ZFHX2: variants seen among roughly 807,000 people sequenced by gnomAD.
The protein encoded by ZFHX2 is zinc finger homeobox 2.
In ZFHX2, 75 loss-of-function variants were observed where a neutral mutation model predicts 164.8. The ratio of observed to expected loss-of-function variants is 0.46; its 90% CI spans 0.38 to 0.55. The LOEUF (loss-of-function observed/expected upper bound fraction) is 0.55. Ranked by LOEUF, ZFHX2 falls within the 20% of genes least tolerant of loss-of-function variation. ZFHX2 has a pLI of 0.00. For missense variants in ZFHX2, 2,933 were observed against 3,308.0 expected (o/e 0.89, Z 2.78); for synonymous variants, 1,217 against 1,351.4 (o/e 0.90, Z 2.18).
intron 7 of ZFHX2, 110 bp downstream of exon 7, chr14:23,527,494 G>GC: frequency 7.3e-7 from 1 of 1,370,916 alleles, no homozygotes; most frequent in Non-Finnish European, 9.9e-7. Context: ...TTGCCTGAAT[G>GC]CCCCCTGCCC....
rs1176104552 is a variant in ZFHX2, at chr14:23,521,593, G to C, written c.*369C>G. ...GCATGTATGTGTATGCATTTATGGG[G>C]ATGGGGAGCTGGGAATTCAGTGAGG... On this transcript the variant is annotated 3_prime_UTR_variant, in exon 10 of 10. Coordinates refer to ENST00000419474, the MANE Select transcript of ZFHX2 (RefSeq NM_033400.3). 4 of 216,856 alleles carry C rather than the reference G, an allele frequency of 1.8e-5. 1 individual carries two copies. The South Asian group carries it at 3.0e-4, about 16-fold the overall frequency. 13.4% of individuals were successfully genotyped at this position (216,856 alleles called of 1,614,324 possible). A position where few individuals can be genotyped will look rare whatever the true frequency, so the allele number is the denominator to read the frequency against.
Position 23,524,425 on chromosome 14 carries a change from C to G in ZFHX2, c.5517G>C (p.Leu1839Phe), listed in dbSNP as rs2138670156. ...PLKRKHEDGS[L>F]SPTGSEAGGG... The stretch of plus-strand genomic sequence containing the variant: ...CCCCTGCTTCACTGCCTGTGGGAGA[C>G]AAGCTGCCGTCCTCATGCTTCCGTT... The change falls in exon 9 of 10, where the codon TTG (leucine) becomes TTC (phenylalanine). Residue 1839 changes from leucine (L) to phenylalanine (F), a missense_variant. Physicochemically the swap from Leu to Phe is conservative, Grantham distance 22. Transcript: ENST00000419474. This position sits in a 1 kb window ranked among gnomAD's most constrained non-coding sequence, Gnocchi z 5.6. 1 of 1,536,194 alleles carries G rather than the reference C, an allele frequency of 6.5e-7. No homozygotes were observed. Among genetic ancestry groups the G allele is most frequent in the South Asian group, 1.2e-5 (1 of 84,060 alleles).
chr14:23,536,758 C>T (rs1880188991), intron 1 of ZFHX2, among the ~76,000 whole-genome samples: 1 of 152,120 alleles, frequency 6.6e-6, no homozygotes, highest in South Asian at 2.1e-4. Context: ...CTGAGTAAAC[C>T]CCAAAGTTGT....
chr14:23,533,151 A>T lies in ZFHX2; in HGVS notation c.2042-67T>A. 6.9e-7 allele frequency: 1 copy of T among 1,459,482 alleles called. No homozygotes were observed. Among genetic ancestry groups the T allele is most frequent in the Non-Finnish European group, 9.0e-7 (1 of 1,108,546 alleles). The allele number at this position is 1,459,482 out of a possible 1,614,324, so 90.4% of individuals were successfully genotyped here. ...GGCACGGTTGGTTCTCTATGTGGGG[A>T]GGTGGGTTAATGAGTAGGATAGTGC... On this transcript the variant is annotated intron_variant, in intron 2 of 9. Transcript: ENST00000419474. The surrounding 1 kb of genome is among the most constrained non-coding windows in gnomAD (Gnocchi z 4.8).
Position 23,524,910 on chromosome 14 carries a change from T to G in ZFHX2, c.5032A>C (p.Thr1678Pro). ...GASGCRRCHATFSCVFELVRH... is the reference protein window; with the variant it reads ...GASGCRRCHAPFSCVFELVRH... Reference sequence around the variant, plus strand: ...ACCAACTCAAAAACACAGGAGAAAGTGGCGTGGCAACGCCTGCAGCCGGAG... The same window carrying G: ...ACCAACTCAAAAACACAGGAGAAAGGGGCGTGGCAACGCCTGCAGCCGGAG... Residue 1678 changes from threonine (T) to proline (P), a missense_variant, in exon 9 of 10, where the codon ACT becomes CCT. Coordinates refer to ENST00000419474, the MANE Select transcript of ZFHX2 (RefSeq NM_033400.3). The surrounding 1 kb of genome is among the most constrained non-coding windows in gnomAD (Gnocchi z 5.6). 2.6e-6 allele frequency: 4 copies of G among 1,536,300 alleles called. No homozygotes were observed. Among genetic ancestry groups the G allele is most frequent in the Non-Finnish European group, 8.7e-7 (1 of 1,146,938 alleles).
chr14:23,525,191 C>G lies in ZFHX2; in HGVS notation c.4751G>C (p.Arg1584Thr), dbSNP rs896725215. ...HWPIEEEESS[R>T]GNLPPLVPAG... is the part of the protein sequence containing the mutation. ...AGGCACCAGGGGAGGAAGATTCCCT[C>G]TGGAGCTTTCTTCCTCTTCTATGGG... The change falls in exon 9 of 10, where the codon AGA becomes ACA. Residue 1584 changes from arginine (R) to threonine (T), a missense_variant. Transcript: ENST00000419474. The surrounding 1 kb of genome is among the most constrained non-coding windows in gnomAD (Gnocchi z 5.9). The G allele has an allele frequency of 3.3e-6, 5 of 1,536,018 alleles. No homozygotes were observed. The highest frequency in any genetic ancestry group is 3.5e-6 in the Non-Finnish European group (4 of 1,146,920).
At chr14:23,555,020 T>C (rs912312986), upstream of ZFHX2, among the ~76,000 whole-genome samples, 5 of 151,694 alleles carry the variant, frequency 3.3e-5, no homozygotes, top group Non-Finnish European at 5.9e-5. Context: ...TGGAGTCTCG[T>C]TCTGTCGCCC....
chr14:23,529,453 A>ATCT (rs1879242374), intron 6 of ZFHX2: 1 of 491,216 alleles, frequency 2.0e-6, no homozygotes, highest in East Asian at 3.7e-5. Flanking sequence ...TCTCAGCACA[A>ATCT]TTCCTTTATT....
At chr14:23,548,742 C>T (rs2138924137) in intron 1 of ZFHX2, among the ~76,000 whole-genome samples, 1 of 152,238 alleles carries the variant, frequency 6.6e-6, no homozygotes, top group Non-Finnish European at 1.5e-5. Flanking sequence ...CTGTCTCTTC[C>T]CTGGATATTT....
chr14:23,533,515 A>T lies in ZFHX2; in HGVS notation c.1811T>A (p.Leu604Gln), dbSNP rs1879823534. 6.5e-7 allele frequency: 1 copy of T among 1,535,990 alleles called. No individual in the cohort carries two copies. Among genetic ancestry groups the T allele is most frequent in the African/African-American group, 1.4e-5 (1 of 73,046 alleles). ...MQNVLMLHQG[L>Q]PLGLPPGLMG... The stretch of plus-strand genomic sequence containing the variant: ...CAATCCAGGTGGCAGGCCCAGCGGC[A>T]GCCCCTGGTGCAGCATTAGGACATT... The change falls in exon 2 of 10, where the codon CTG becomes CAG. Residue 604 changes from leucine (L) to glutamine (Q), a missense_variant. By Grantham distance (113) the Leu-to-Gln change is moderately radical. Coordinates refer to ENST00000419474, the MANE Select transcript of ZFHX2 (RefSeq NM_033400.3). This position sits in a 1 kb window ranked among gnomAD's most constrained non-coding sequence, Gnocchi z 4.8.
In ZFHX2 at chr14:23,534,338, C is replaced by A; in HGVS notation, c.988G>T (p.Val330Phe). The A allele has an allele frequency of 6.5e-7, 1 of 1,536,648 alleles. No homozygotes were observed. The highest frequency in any genetic ancestry group is 8.7e-7 in the Non-Finnish European group (1 of 1,147,006). Reference protein sequence around the residue: ...QTEDGPPEAEVQALILLDEEV... With the variant: ...QTEDGPPEAEFQALILLDEEV... ...TCATCCAGGAGGATAAGGGCCTGGA[C>A]TTCTGCCTCAGGGGGGCCATCCTCT... The change falls in exon 2 of 10, where the codon GTC becomes TTC. Residue 330 changes from valine (V) to phenylalanine (F), a missense_variant. Transcript: ENST00000419474. This position sits in a 1 kb window ranked among gnomAD's most constrained non-coding sequence, Gnocchi z 4.5.
intron 6 of ZFHX2, among the ~76,000 whole-genome samples, chr14:23,528,293 T>G (rs899227389): frequency 1.3e-5 from 2 of 152,274 alleles, no homozygotes; most frequent in East Asian, 3.9e-4. Context: ...GAGAGCTGGC[T>G]CCTCCCCACT....
chr14:23,535,050 C>T lies in ZFHX2; in HGVS notation c.276G>A (p.Val92=), dbSNP rs1306520655. 3 of 1,536,228 alleles carry T rather than the reference C, an allele frequency of 2.0e-6. No individual in the cohort carries two copies. Among genetic ancestry groups the T allele is most frequent in the Non-Finnish European group, 2.6e-6 (3 of 1,146,892 alleles). Residue 92 remains valine, a synonymous_variant, in exon 2 of 10, where the codon GTG becomes GTA. Transcript: ENST00000419474. This position sits in a 1 kb window ranked among gnomAD's most constrained non-coding sequence, Gnocchi z 4.5. ...CGHFPPNDPG[V]EKDKEQEEEE... ...CCTCCTCCTGCTCCTTGTCCTTTTC[C>T]ACCCCTGGGTCATTTGGTGGGAAGT...
chr14:23,549,651 G>A (rs1881762376), intron 1 of ZFHX2, among the ~76,000 whole-genome samples: 1 of 152,180 alleles, frequency 6.6e-6, no homozygotes, highest in Admixed American at 6.5e-5. Context: ...ACTGAAGGAT[G>A]GGGGGCAACC....
At position 23,525,082 on chromosome 14, in the gene ZFHX2, G is replaced by C. The variant is rs1489840630; in HGVS notation, c.4860C>G (p.Pro1620=). 6.5e-7 allele frequency: 1 copy of C among 1,536,136 alleles called. No individual in the cohort carries two copies. Residue 1620 remains proline (P), a synonymous_variant, in exon 9 of 10, where the codon CCC becomes CCG. Transcript: ENST00000419474. The surrounding 1 kb of genome is among the most constrained non-coding windows in gnomAD (Gnocchi z 5.9). ...CGAGTCGCTCCACCTCTCCGTCTTT[G>C]GGGTAGGCGCTAGTCTCAAAGAAAG... is the stretch of plus-strand genomic sequence containing the variant. The part of the protein sequence containing the change: ...LQSFFETSAY[P]KDGEVERLAS...
In ZFHX2 at chr14:23,526,616, A is replaced by C; in HGVS notation, c.3326T>G (p.Val1109Gly). ...DPLPEPPLAS[V>G]EVPDKPSGSP... ...TCCTGAGGGTTTGTCTGGGACCTCA[A>C]CTGAGGCCAGGGGAGGCTCAGGAAG... The change falls in exon 9 of 10, where the codon GTT (valine) becomes GGT (glycine). Residue 1109 changes from valine (V) to glycine (G), a missense_variant. Transcript: ENST00000419474. 6.5e-7 allele frequency: 1 copy of C among 1,535,948 alleles called. No homozygotes were observed. The highest frequency in any genetic ancestry group is 1.2e-5 in the South Asian group (1 of 84,032).
chr14:23,533,029 G>A lies in ZFHX2; in HGVS notation c.2097C>T (p.Ser699=). ...AHLPPSQLLG[S]SSDSLPTSPP... ...GTGAGGTGGGCAGGCTGTCAGATGAGGAACCCAGGAGCTGACTTGGAGGCA... is the reference window on the plus strand; with the variant it reads ...GTGAGGTGGGCAGGCTGTCAGATGAAGAACCCAGGAGCTGACTTGGAGGCA... The change falls in exon 3 of 10, where the codon TCC becomes TCT. Residue 699 remains serine (S), a synonymous_variant. Coordinates refer to ENST00000419474, the MANE Select transcript of ZFHX2 (RefSeq NM_033400.3). The surrounding 1 kb of genome is among the most constrained non-coding windows in gnomAD (Gnocchi z 4.8). The A allele has an allele frequency of 5.2e-6, 8 of 1,535,912 alleles. No homozygotes were observed. The highest frequency in any genetic ancestry group is 7.0e-6 in the Non-Finnish European group (8 of 1,146,718).
intron 1 of ZFHX2, among the ~76,000 whole-genome samples, chr14:23,538,533 A>G (rs1880443551): frequency 6.6e-6 from 1 of 152,008 alleles, no homozygotes; most frequent in Non-Finnish European, 1.5e-5. Context: ...GGACAGGCCT[A>G]AGAGTCATCC....
In ZFHX2 at chr14:23,526,838, A is replaced by G; in HGVS notation, c.3262+9T>C. 1 of 1,526,542 alleles carries G rather than the reference A, an allele frequency of 6.6e-7. No homozygotes were observed. The highest frequency in any genetic ancestry group is 8.8e-7 in the Non-Finnish European group (1 of 1,142,494). The allele number at this position is 1,526,542 out of a possible 1,614,324, so 94.6% of individuals were successfully genotyped here. ...GGTACCTTGGGAGGTTTGCTGTTCC[A>G]TTCCTTACCTGCTGCCTGGTCTCTG... On this transcript the variant is annotated intron_variant, in intron 8 of 9. Transcript: ENST00000419474.
Sources: allele counts gnomAD v4.1 joint callset (sites outside exome capture counted in the v4.1 genomes callset), GRCh38; gene constraint gnomAD v4.1.1; non-coding constraint Gnocchi (gnomAD v3.1); transcripts MANE v1.5; gene names NCBI Gene and HGNC (gene_info 2026-07-23, HGNC 2026-07-21).